KYNU: variants seen among roughly 807,000 people sequenced by gnomAD.
KYNU encodes the protein L-kynurenine hydrolase.
In KYNU, 54 loss-of-function variants were observed where a neutral mutation model predicts 59.2. The observed-to-expected ratio is 0.91, with a 90% confidence interval of 0.73 to 1.14. The LOEUF (loss-of-function observed/expected upper bound fraction) is 1.14, where lower values mean the gene tolerates loss of function less well. KYNU is among the 50% of genes most tolerant of loss of function. The probability of loss-of-function intolerance (pLI) is 0.00; values close to 1 mark genes in which losing one functional copy is unlikely to be tolerated. For synonymous variants in KYNU, 177 were observed against 192.0 expected, an observed-to-expected ratio of 0.92 and a Z score of 0.65; for missense variants, 567 against 554.4, an observed-to-expected ratio of 1.02 and a Z score of -0.23.
chr2:143,017,921 T>C (rs1686304352), intron 10 of KYNU, among the ~76,000 whole-genome samples: 1 of 151,256 alleles, frequency 6.6e-6, no homozygotes, highest in African/African-American at 2.4e-5. Context: ...GCAAAATATT[T>C]AGTTCAATTG....
At chr2:143,001,844 A>G (rs1685715559) in intron 10 of KYNU, among the ~76,000 whole-genome samples, 1 of 152,232 alleles carries the variant, frequency 6.6e-6, no homozygotes, top group South Asian at 2.1e-4. Context: ...GTGAGAATAC[A>G]GGAAATGACT....
chr2:142,941,641 A>G (rs1683604554), intron 4 of KYNU, among the ~76,000 whole-genome samples: 1 of 152,148 alleles, frequency 6.6e-6, no homozygotes, highest in Non-Finnish European at 1.5e-5. Flanking sequence ...GATAGCTCCT[A>G]TGGTTAGGGA....
intron 2 of KYNU, among the ~76,000 whole-genome samples, chr2:142,914,115 C>A (rs1185273792): frequency 6.6e-6 from 1 of 152,216 alleles, no homozygotes; most frequent in African/African-American, 2.4e-5. Context: ...AGATTCCAGG[C>A]TGGTCTCTGT....
Position 143,042,177 on chromosome 2 carries a change from G to A in KYNU, c.*5G>A. ...TCTGCAGAAACAAAAAATTAGCAGT[G>A]TTTTCTAGAACAACTTAAGCAAATT... On this transcript the variant is annotated 3_prime_UTR_variant, in exon 14 of 14. Coordinates refer to ENST00000264170, the MANE Select transcript of KYNU (RefSeq NM_003937.3). 2.5e-6 allele frequency: 4 copies of A among 1,607,558 alleles called. No homozygotes were observed. The highest frequency in any genetic ancestry group is 3.4e-6 in the Non-Finnish European group (4 of 1,177,786).
intron 2 of KYNU, among the ~76,000 whole-genome samples, chr2:142,917,898 T>C (rs1682719380): frequency 6.6e-6 from 1 of 152,212 alleles, no homozygotes; most frequent in African/African-American, 2.4e-5. Context: ...GCTTAGTCTT[T>C]TTTTCCCTAA....
At chr2:142,927,790 T>C (rs766842730) in intron 4 of KYNU, 49 bp downstream of exon 4, 15 of 1,250,604 alleles carry the variant, frequency 1.2e-5, no homozygotes, top group African/African-American at 1.5e-5. Flanking sequence ...AAAGATGTTA[T>C]CATTTAGTTA....
chr2:143,041,154 A>C (rs1687031845), intron 13 of KYNU, among the ~76,000 whole-genome samples: 1 of 152,066 alleles, frequency 6.6e-6, no homozygotes, highest in African/African-American at 2.4e-5. Flanking sequence ...TGCAAGGAAT[A>C]ATTTTTTTTT....
At chr2:143,038,558 T>C (rs1469885070) in intron 12 of KYNU, among the ~76,000 whole-genome samples, 1 of 152,102 alleles carries the variant, frequency 6.6e-6, no homozygotes. Context: ...CTCGGGAGCT[T>C]ATGAAGCCAA....
In KYNU at chr2:143,042,286, C is replaced by A. The variant is rs1687078872; in HGVS notation, c.*114C>A. The stretch of plus-strand genomic sequence containing the variant: ...GTCACCATTGACCACATGTAACTAA[C>A]AATAAATAATATACCTTACAGAAAA... On this transcript the variant is annotated 3_prime_UTR_variant, in exon 14 of 14. Transcript: ENST00000264170. 9.7e-7 allele frequency: 1 copy of A among 1,032,314 alleles called. No individual in the cohort carries two copies. Among genetic ancestry groups the A allele is most frequent in the Non-Finnish European group, 1.5e-6 (1 of 686,192 alleles). 63.9% of individuals were successfully genotyped at this position (1,032,314 alleles called of 1,614,324 possible). A position where few individuals can be genotyped will look rare whatever the true frequency, so the allele number is the denominator to read the frequency against.
At chr2:142,944,778 T>G (rs1445801934) in intron 4 of KYNU, among the ~76,000 whole-genome samples, 1 of 152,190 alleles carries the variant, frequency 6.6e-6, no homozygotes. Flanking sequence ...ATTAGGTAAA[T>G]AATCTTTTGA....
At chr2:142,947,042 C>T in intron 4 of KYNU, 1 of 1,547,480 alleles carries the variant, frequency 6.5e-7, no homozygotes, top group Non-Finnish European at 8.7e-7. Context: ...TGATTCTCAC[C>T]TCACCCTTCC....
At chr2:142,983,770 G>A (rs1274292460) in intron 8 of KYNU, among the ~76,000 whole-genome samples, 1 of 151,962 alleles carries the variant, frequency 6.6e-6, no homozygotes, top group Non-Finnish European at 1.5e-5. Flanking sequence ...AACAACAAAT[G>A]CATTACATAT....
In KYNU at chr2:142,943,677, A is replaced by G. The variant is rs915457608; in HGVS notation, c.374-11133A>G. Reference sequence around the variant, plus strand: ...GCTACATGCATTCAAGGTTATAAAAATGGTGTAATGTGAACATAAATTTGC... The same window carrying G: ...GCTACATGCATTCAAGGTTATAAAAGTGGTGTAATGTGAACATAAATTTGC... On this transcript the variant is annotated intron_variant, in intron 4 of 13. Transcript: ENST00000264170. 5.3e-5 allele frequency among the ~76,000 whole-genome samples: 8 copies of G among 152,200 alleles called. No individual in the cohort carries two copies. In the East Asian group the frequency reaches 1.5e-3, roughly 29 times the overall value.
At chr2:142,989,616 T>C (rs1170728885) in intron 10 of KYNU, 4 of 463,204 alleles carry the variant, frequency 8.6e-6, no homozygotes, top group Non-Finnish European at 1.1e-5. Context: ...TGTTCTTCTT[T>C]TTGACAATTT....
intron 8 of KYNU, among the ~76,000 whole-genome samples, chr2:142,964,073 A>T (rs1442449229): frequency 6.7e-6 from 1 of 148,242 alleles, no homozygotes; most frequent in African/African-American, 2.5e-5. Flanking sequence ...TGCTACTTTT[A>T]TATGTGTGAG....
intron 10 of KYNU, among the ~76,000 whole-genome samples, chr2:142,986,420 A>T (rs1259151092): frequency 2.0e-5 from 3 of 151,950 alleles, no homozygotes; most frequent in Non-Finnish European, 4.4e-5. Context: ...GCATGTTATT[A>T]TTAAAATTAC....
intron 1 of KYNU, among the ~76,000 whole-genome samples, chr2:142,878,947 T>C (rs1224461794): frequency 6.6e-6 from 1 of 152,234 alleles, no homozygotes; most frequent in East Asian, 1.9e-4. Context: ...GTTAGGTGAT[T>C]TGTCTGAGAC....
rs73961703 is a variant in KYNU at position 143,033,159 on chromosome 2, C to T, written c.956-77C>T. On this transcript the variant is annotated intron_variant, in intron 11 of 13. Coordinates refer to ENST00000264170, the MANE Select transcript of KYNU (RefSeq NM_003937.3). ...GAAAAGTTTAAGTCTTGCTCTTTTA[C>T]TCTCCAGTACTCTAGTATCTTTATG... The T allele has an allele frequency of 1.6e-3, 1,540 of 976,792 alleles. 11 individuals carry two copies. The African/African-American group carries it at 0.022, about 14-fold the overall frequency. The allele number at this position is 976,792 out of a possible 1,614,324, so 60.5% of individuals were successfully genotyped here.
rs947582653 is a variant in KYNU at position 142,877,699 on chromosome 2, G to A, written c.-57G>A. 3 of 152,208 alleles carry A rather than the reference G, an allele frequency of 2.0e-5. No homozygotes were observed. The highest frequency in any genetic ancestry group is 6.5e-5 in the Admixed American group (1 of 15,274). The allele number at this position is 152,208 out of a possible 1,614,324, so 9.4% of individuals were successfully genotyped here. A position where few individuals can be genotyped will look rare whatever the true frequency, so the allele number is the denominator to read the frequency against. On this transcript the variant is annotated 5_prime_UTR_variant, in exon 1 of 14. Coordinates refer to ENST00000264170, the MANE Select transcript of KYNU (RefSeq NM_003937.3). ...GGAATTCTTGAGAGGTTCTTGGAGA[G>A]ATTCTGGGAGCCAAACACTCCATTG...
Sources: allele counts gnomAD v4.1 joint callset (sites outside exome capture counted in the v4.1 genomes callset), GRCh38; gene constraint gnomAD v4.1.1; transcripts MANE v1.5; gene names NCBI Gene and HGNC (gene_info 2026-07-23, HGNC 2026-07-21).